The following NCOA4 variants were observed in gnomAD, a reference collection of about 807,000 sequenced individuals.
The protein encoded by NCOA4 is 70 kDa AR-activator.
Under a neutral mutation model 69.5 loss-of-function variants are expected in NCOA4, and 31 were observed. The observed-to-expected ratio is 0.45, with a 90% CI of 0.34 to 0.60. The LOEUF (loss-of-function observed/expected upper bound fraction) is 0.60. NCOA4 is among the 20% of genes least tolerant of loss of function. NCOA4 has a pLI of 0.02. For missense variants in NCOA4, 600 were observed against 719.2 expected, an observed-to-expected ratio of 0.83 and a Z score of 1.90; for synonymous variants, 228 against 252.4, an observed-to-expected ratio of 0.90 and a Z score of 0.92.
At position 46,013,015 on chromosome 10, in the gene NCOA4, G is replaced by A. The variant is rs111682740; in HGVS notation, c.582C>T (p.Ser194=). 37 of 1,613,870 alleles carry A rather than the reference G, an allele frequency of 2.3e-5. No individual in the cohort carries two copies. The highest frequency in any genetic ancestry group is 2.0e-4 in the African/African-American group (15 of 75,034). ...CGCTGAAAGGGACAGCTACAATACC[G>A]GATGCTGACTTCTGTTAATCACAAA... ...CISMPEQKSA[S]GIVAVPFSEW... Residue 194 remains serine (S), a synonymous_variant, in exon 7 of 10, where the codon TCC becomes TCT. Coordinates refer to ENST00000581486, the MANE Select transcript of NCOA4 (RefSeq NM_001145263.2).
At position 46,030,557 on chromosome 10, in the gene NCOA4, G is replaced by A. The variant is rs1554926354; in HGVS notation, c.-46C>T. On this transcript the variant is annotated 5_prime_UTR_variant, in exon 1 of 10. Coordinates refer to ENST00000581486, the MANE Select transcript of NCOA4 (RefSeq NM_001145263.2). ...CGAGTGCCTCTCCAGGCGATCCGAG[G>A]AGACCTTGGGTGGACTGAGACACGG... The A allele has an allele frequency of 6.6e-6, 1 of 152,366 alleles. No individual in the cohort carries two copies. The highest frequency in any genetic ancestry group is 1.5e-5 in the Non-Finnish European group (1 of 68,126). 9.4% of individuals were successfully genotyped at this position (152,366 alleles called of 1,614,324 possible). A position where few individuals can be genotyped will look rare whatever the true frequency, so the allele number is the denominator to read the frequency against.
At position 46,020,776 on chromosome 10, in the gene NCOA4, G is replaced by A. The variant is rs553936517; in HGVS notation, c.-14-4082C>T. 6.7e-4 allele frequency among the ~76,000 whole-genome samples: 102 copies of A among 152,206 alleles called. 4 individuals are homozygous for A. In the South Asian group the frequency reaches 0.021, roughly 31 times the overall value. On this transcript the variant is annotated intron_variant, in intron 1 of 9. Coordinates refer to ENST00000581486, the MANE Select transcript of NCOA4 (RefSeq NM_001145263.2). ...TGTTTTCTTACGTGTAGAAAGATTGGACCAAATCAGCTCTGATCCTAATAT... is the reference window on the plus strand; with the variant it reads ...TGTTTTCTTACGTGTAGAAAGATTGAACCAAATCAGCTCTGATCCTAATAT...
intron 1 of NCOA4, chr10:46,027,431 C>T: frequency 6.4e-7 from 1 of 1,551,444 alleles, no homozygotes. Flanking sequence ...TTAATGCCTA[C>T]CAGCTAGAGC....
chr10:46,011,073 A>G lies in NCOA4; in HGVS notation c.848T>C (p.Ile283Thr). The change falls in exon 8 of 10, where the codon ATT becomes ACT. Residue 283 changes from isoleucine to threonine, a missense_variant. Coordinates refer to ENST00000581486, the MANE Select transcript of NCOA4 (RefSeq NM_001145263.2). ...NSHSTTSSFS[I>T]EMEKVGDQEL... ...TTGATCTCCAACCTTTTCCATTTCA[A>G]TGGAGAAAGAACTAGTAGTGGAATG... The G allele has an allele frequency of 3.7e-6, 6 of 1,613,924 alleles. No homozygotes were observed. The highest frequency in any genetic ancestry group is 4.2e-6 in the Non-Finnish European group (5 of 1,179,854).
chr10:46,012,376 C>A (rs1013981111), intron 7 of NCOA4, among the ~76,000 whole-genome samples: 1 of 151,976 alleles, frequency 6.6e-6, no homozygotes, highest in African/African-American at 2.4e-5. Flanking sequence ...AGGAACTAAT[C>A]AAGAATGCAC....
Position 46,016,535 on chromosome 10 carries a change from C to G in NCOA4, c.141+5G>C, listed in dbSNP as rs782143237. 6.7e-7 allele frequency: 1 copy of G among 1,497,870 alleles called. No homozygotes were observed. Among genetic ancestry groups the G allele is most frequent in the Admixed American group, 1.9e-5 (1 of 51,578 alleles). The allele number at this position is 1,497,870 out of a possible 1,614,324, so 92.8% of individuals were successfully genotyped here. On this transcript the variant is annotated splice_donor_5th_base_variant and intron_variant, in intron 2 of 9. Transcript: ENST00000581486. ...GACAACAGAAGAGAAAAGCACATGT[C>G]ACACCTCTCGCAAGTTATCTTTAAT...
intron 1 of NCOA4, chr10:46,023,438 G>T: frequency 1.0e-6 from 1 of 985,690 alleles, no homozygotes; most frequent in Non-Finnish European, 1.2e-6. Context: ...CCGCCCACGC[G>T]TCACACGGCA....
rs567806738 is a variant in NCOA4, at chr10:46,021,082, TACAC to T, written c.-14-4392_-14-4389del. On this transcript the variant is annotated intron_variant, in intron 1 of 9. Coordinates refer to ENST00000581486, the MANE Select transcript of NCOA4 (RefSeq NM_001145263.2). ...TTCTTTAAACTATATATGCCATGCTTACACAATGCTTTGCACAAATCTATTTGTG... is the reference window on the plus strand; with the variant it reads ...TTCTTTAAACTATATATGCCATGCTTAATGCTTTGCACAAATCTATTTGTG... 2.3e-3 allele frequency among the ~76,000 whole-genome samples: 345 copies of T among 152,352 alleles called. 3 individuals carry two copies. The highest frequency in any genetic ancestry group is 7.9e-3 in the African/African-American group (329 of 41,570).
At chr10:46,009,062 AT>A (rs1554920432) in intron 9 of NCOA4, 1 of 1,096,620 alleles carries the variant, frequency 9.1e-7, no homozygotes, top group Admixed American at 2.4e-5. Context: ...AAACCAAAGT[AT>A]TTGTGTAGCT....
rs782812976 is a variant in NCOA4, at chr10:46,013,575, C to G, written c.545G>C (p.Arg182Thr). Residue 182 changes from arginine (R) to threonine (T), a missense_variant, in exon 6 of 10, where the codon AGA becomes ACA. Physicochemically the swap from Arg to Thr is moderately conservative, Grantham distance 71. Coordinates refer to ENST00000581486, the MANE Select transcript of NCOA4 (RefSeq NM_001145263.2). ...CTGCTCTGGCATGGAGATACAGCCTCTCTTCTCCAGGAAGGGCCCAATATT... is the reference window on the plus strand; with the variant it reads ...CTGCTCTGGCATGGAGATACAGCCTGTCTTCTCCAGGAAGGGCCCAATATT... ...SANIGPFLEK[R>T]GCISMPEQKS... 5.0e-6 allele frequency: 8 copies of G among 1,613,082 alleles called. No homozygotes were observed. The highest frequency in any genetic ancestry group is 1.7e-4 in the Middle Eastern group (1 of 6,056).
chr10:46,015,281 C>A lies in NCOA4; in HGVS notation c.142-15G>T, dbSNP rs1323384408. 21 of 1,544,654 alleles carry A rather than the reference C, an allele frequency of 1.4e-5. No homozygotes were observed. Among genetic ancestry groups the A allele is most frequent in the East Asian group, 2.6e-5 (1 of 38,750 alleles). ...TGAGCTTTGACCTAGGAAACACATA[C>A]ATGTTAGCTTCCTAGTGTTAATCCC... On this transcript the variant is annotated splice_polypyrimidine_tract_variant and intron_variant, in intron 2 of 9. Transcript: ENST00000581486.
At chr10:46,012,814 A>T in intron 7 of NCOA4, 69 bp downstream of exon 7, 1 of 1,556,996 alleles carries the variant, frequency 6.4e-7, no homozygotes, top group Non-Finnish European at 8.8e-7. Context: ...GACACATAGT[A>T]CTACTGATTA....
intron 1 of NCOA4, among the ~76,000 whole-genome samples, chr10:46,028,405 G>A (rs781860235): frequency 1.3e-5 from 2 of 151,948 alleles, no homozygotes; most frequent in Non-Finnish European, 2.9e-5. Flanking sequence ...TATAGTAGGT[G>A]TTCAACAATT....
At chr10:46,008,515 G>C (rs1169060393) in intron 9 of NCOA4, among the ~76,000 whole-genome samples, 3 of 152,190 alleles carry the variant, frequency 2.0e-5, no homozygotes, top group Non-Finnish European at 4.4e-5. Flanking sequence ...TGACTGAATT[G>C]CTGCAATCTC....
chr10:46,030,052 G>C (rs370819007), intron 1 of NCOA4, among the ~76,000 whole-genome samples: 1 of 152,344 alleles, frequency 6.6e-6, no homozygotes. Flanking sequence ...CACCTGACAA[G>C]CTAGAAATGG....
At chr10:46,009,056 C>G in intron 9 of NCOA4, 1 of 1,049,780 alleles carries the variant, frequency 9.5e-7, no homozygotes, top group South Asian at 1.5e-5. Flanking sequence ...AATGGGAAAC[C>G]AAAGTATTTG....
chr10:46,029,020 C>A (rs1339324813), intron 1 of NCOA4, among the ~76,000 whole-genome samples: 1 of 142,680 alleles, frequency 7.0e-6, no homozygotes, highest in Non-Finnish European at 1.5e-5. Flanking sequence ...TCTGGCACAG[C>A]TATACTGATT....
chr10:46,010,149 C>G, intron 8 of NCOA4, 74 bp downstream of exon 8: 4 of 1,500,322 alleles, frequency 2.7e-6, no homozygotes, highest in Non-Finnish European at 3.5e-6. Context: ...GCCTGAGTGA[C>G]AGAGACCCCA....
At position 46,013,011 on chromosome 10, in the gene NCOA4, T is replaced by C; in HGVS notation, c.586A>G (p.Ile196Val). The change falls in exon 7 of 10, where the codon ATT becomes GTT. Residue 196 changes from isoleucine to valine, a missense_variant. Physicochemically the swap from Ile to Val is conservative, Grantham distance 29. Coordinates refer to ENST00000581486, the MANE Select transcript of NCOA4 (RefSeq NM_001145263.2). ...CATTCGCTGAAAGGGACAGCTACAA[T>C]ACCGGATGCTGACTTCTGTTAATCA... Reference protein sequence around the residue: ...SMPEQKSASGIVAVPFSEWLL... With the variant: ...SMPEQKSASGVVAVPFSEWLL... The C allele has an allele frequency of 6.2e-7, 1 of 1,614,022 alleles. No individual in the cohort carries two copies. Among genetic ancestry groups the C allele is most frequent in the African/African-American group, 1.3e-5 (1 of 75,030 alleles).
Sources: gnomAD v4.1 joint callset for allele counts (sites outside exome capture counted in the v4.1 genomes callset) on GRCh38, gnomAD v4.1.1 for gene constraint, MANE v1.5 for transcripts, NCBI Gene and HGNC (gene_info 2026-07-23, HGNC 2026-07-21) for gene names.